Variants in GALNT18 observed in about 807,000 individuals in gnomAD.
GALNT18 encodes the protein GalNAc-transferase 18.
In GALNT18, 44 loss-of-function variants were observed where a neutral mutation model predicts 69.5. The ratio of observed to expected loss-of-function variants is 0.63; its 90% CI spans 0.50 to 0.81. The LOEUF (loss-of-function observed/expected upper bound fraction) is 0.81, where lower values mean the gene tolerates loss of function less well. GALNT18 is among the 40% of genes least tolerant of loss of function. The pLI, the probability that GALNT18 is intolerant of heterozygous loss-of-function variation, is 0.00. For synonymous variants in GALNT18, 364 were observed against 318.2 expected (o/e 1.14, Z -1.53); for missense variants, 715 against 810.0 (o/e 0.88, Z 1.42).
At chr11:11,322,172 T>C (rs1849851350) in intron 9 of GALNT18, among the ~76,000 whole-genome samples, 1 of 152,234 alleles carries the variant, frequency 6.6e-6, no homozygotes, top group Non-Finnish European at 1.5e-5. Context: ...GTATCTACCA[T>C]TGTTAGTCCA....
At chr11:11,484,035 C>T (rs1286164649) in intron 1 of GALNT18, among the ~76,000 whole-genome samples, 5 of 152,092 alleles carry the variant, frequency 3.3e-5, no homozygotes, top group Admixed American at 6.6e-5. Flanking sequence ...CTACTCTGTG[C>T]GGGGGACTTT....
At chr11:11,488,734 T>C (rs1018373676) in intron 1 of GALNT18, among the ~76,000 whole-genome samples, 10 of 152,060 alleles carry the variant, frequency 6.6e-5, no homozygotes, top group African/African-American at 2.2e-4. Flanking sequence ...AAGCTTCTTT[T>C]CTCCTGGGCC....
intron 10 of GALNT18, among the ~76,000 whole-genome samples, chr11:11,275,050 G>C (rs1378145482): frequency 1.3e-5 from 2 of 152,172 alleles, no homozygotes; most frequent in Middle Eastern, 3.2e-3. Flanking sequence ...GATACTTTGG[G>C]TACATACCCA....
At chr11:11,528,847 C>T (rs1467301858) in intron 1 of GALNT18, among the ~76,000 whole-genome samples, 1 of 152,168 alleles carries the variant, frequency 6.6e-6, no homozygotes, top group Non-Finnish European at 1.5e-5. Flanking sequence ...AAAGATAATG[C>T]CCAAGCCTTT....
Position 11,382,183 on chromosome 11 carries a change from T to C in GALNT18, c.596-2919A>G, listed in dbSNP as rs1235878937. Among the ~76,000 whole-genome samples, 1 of 152,206 alleles carries C rather than the reference T, an allele frequency of 6.6e-6. No individual in the cohort carries two copies. Among genetic ancestry groups the C allele is most frequent in the Non-Finnish European group, 1.5e-5 (1 of 68,040 alleles). ...TAGTTGCATCCCAAACATGTGCTGCTGATTAGAAGAGGGAATTCTCTTAGC... is the reference window on the plus strand; with the variant it reads ...TAGTTGCATCCCAAACATGTGCTGCCGATTAGAAGAGGGAATTCTCTTAGC... On this transcript the variant is annotated intron_variant, in intron 3 of 10. Transcript: ENST00000227756. The surrounding 1 kb of genome is among the most constrained non-coding windows in gnomAD (Gnocchi z 4.3).
rs1856877668 is a variant in GALNT18 at position 11,497,016 on chromosome 11, C to T, written c.236-48080G>A. On this transcript the variant is annotated intron_variant, in intron 1 of 10. Coordinates refer to ENST00000227756, the MANE Select transcript of GALNT18 (RefSeq NM_198516.3). This position sits in a 1 kb window ranked among gnomAD's most constrained non-coding sequence, Gnocchi z 4.2. ...GCCTCATCGGTCCTGCTCATCCCAT[C>T]CTTCTCTTGCTCACTCTGCTAGAGC... Among the ~76,000 whole-genome samples, 1 of 152,162 alleles carries T rather than the reference C, an allele frequency of 6.6e-6. No individual in the cohort carries two copies. Among genetic ancestry groups the T allele is most frequent in the Admixed American group, 6.5e-5 (1 of 15,268 alleles).
chr11:11,621,329 G>A lies in GALNT18; in HGVS notation c.235+30C>T. ...CGCGCGGGGCACTCCCGGGCCTCAT[G>A]GGCGACCCAAGTTTCCGGGGCGCCC... On this transcript the variant is annotated intron_variant, in intron 1 of 10. Transcript: ENST00000227756. This position sits in a 1 kb window ranked among gnomAD's most constrained non-coding sequence, Gnocchi z 9.3. The A allele has an allele frequency of 6.3e-7, 1 of 1,596,536 alleles. No homozygotes were observed. Among genetic ancestry groups the A allele is most frequent in the Non-Finnish European group, 8.6e-7 (1 of 1,165,700 alleles).
chr11:11,519,767 G>A (rs1857355163), intron 1 of GALNT18, among the ~76,000 whole-genome samples: 1 of 152,214 alleles, frequency 6.6e-6, no homozygotes, highest in Admixed American at 6.5e-5. Context: ...AGGAGGGACT[G>A]GAGCCCATCC....
intron 1 of GALNT18, among the ~76,000 whole-genome samples, chr11:11,472,416 G>C (rs1486570528): frequency 2.0e-5 from 3 of 152,216 alleles, no homozygotes; most frequent in Non-Finnish European, 2.9e-5. Flanking sequence ...GTAAATCAAA[G>C]TCAATTCAAG....
chr11:11,589,248 G>A (rs1224385406), intron 1 of GALNT18, among the ~76,000 whole-genome samples: 5 of 152,180 alleles, frequency 3.3e-5, no homozygotes, highest in African/African-American at 9.7e-5. Flanking sequence ...AGTGGGGGGA[G>A]AAGTGGCTAA....
rs533485218 is a variant in GALNT18 at position 11,318,173 on chromosome 11, G to A, written c.1512+8913C>T. Among the ~76,000 whole-genome samples, 1 of 152,288 alleles carries A rather than the reference G, an allele frequency of 6.6e-6. No homozygotes were observed. The highest frequency in any genetic ancestry group is 2.4e-5 in the African/African-American group (1 of 41,574). ...ACCCTTTTTGGCCTAGAAAGTGAGA[G>A]TCAGGTTTCCATTTCCACTCTTCCC... On this transcript the variant is annotated intron_variant, in intron 9 of 10. Transcript: ENST00000227756. The surrounding 1 kb of genome is among the most constrained non-coding windows in gnomAD (Gnocchi z 5.1).
At chr11:11,475,519 T>G (rs972893111) in intron 1 of GALNT18, 7 of 152,246 alleles carry the variant, frequency 4.6e-5, no homozygotes, top group African/African-American at 1.4e-4. Context: ...GTTTTGTTCC[T>G]TTTAATAATC....
chr11:11,291,150 T>C (rs1849289523), intron 10 of GALNT18, among the ~76,000 whole-genome samples: 1 of 152,140 alleles, frequency 6.6e-6, no homozygotes, highest in Admixed American at 6.5e-5. Flanking sequence ...GATGAAGGCT[T>C]CTGCTAGGCA....
In GALNT18 at chr11:11,542,165, A is replaced by C. The variant is rs996468571; in HGVS notation, c.235+79194T>G. Among the ~76,000 whole-genome samples the C allele has an allele frequency of 6.6e-6, 1 of 152,156 alleles. No individual in the cohort carries two copies. Among genetic ancestry groups the C allele is most frequent in the Non-Finnish European group, 1.5e-5 (1 of 68,024 alleles). ...CTCAATCACTTAAGCTTATTTACTG[A>C]CCATTAAAGACTTTGCCCAAAGGCT... On this transcript the variant is annotated intron_variant, in intron 1 of 10. Coordinates refer to ENST00000227756, the MANE Select transcript of GALNT18 (RefSeq NM_198516.3). This position sits in a 1 kb window ranked among gnomAD's most constrained non-coding sequence, Gnocchi z 4.3.
At position 11,379,263 on chromosome 11, in the gene GALNT18, C is replaced by T. The variant is rs764921689; in HGVS notation, c.597G>A (p.Glu199=). ...ATTCGGTCAGCTTCTCCTTCAGTTCCTCTGTCAGGGAGAAAATGCAGCCTT... is the reference window on the plus strand; with the variant it reads ...ATTCGGTCAGCTTCTCCTTCAGTTCTTCTGTCAGGGAGAAAATGCAGCCTT... ...IILVDDNSSN[E]ELKEKLTEYV... Residue 199 remains glutamate, a splice_region_variant and synonymous_variant, in exon 4 of 11, where the codon GAG becomes GAA. Coordinates refer to ENST00000227756, the MANE Select transcript of GALNT18 (RefSeq NM_198516.3). 1.9e-6 allele frequency: 3 copies of T among 1,611,372 alleles called. No individual in the cohort carries two copies. Among genetic ancestry groups the T allele is most frequent in the South Asian group, 2.2e-5 (2 of 90,500 alleles).
At chr11:11,419,596 CAAAAAAAAAAAAAA>C (rs58012512) in intron 3 of GALNT18, among the ~76,000 whole-genome samples, 2 of 26,618 alleles carry the variant, frequency 7.5e-5, no homozygotes, top group African/African-American at 2.0e-4. Flanking sequence ...GATCCTGTCT[CAAAAAAAAAAAAAA>C]AAAAAAAAAA....
chr11:11,495,859 G>T (rs180707290), intron 1 of GALNT18, among the ~76,000 whole-genome samples: 4 of 152,262 alleles, frequency 2.6e-5, no homozygotes, highest in African/African-American at 9.6e-5. Context: ...ACCATAAAAG[G>T]CTGTGACCAA....
At chr11:11,393,829 T>G (rs78004423) in intron 3 of GALNT18, among the ~76,000 whole-genome samples, 2,246 of 152,386 alleles carry the variant, frequency 0.015, 37 homozygotes, top group African/African-American at 0.051. Context: ...AGTCCTCTCA[T>G]GAGATTTACT....
chr11:11,614,716 T>A lies in GALNT18; in HGVS notation c.235+6643A>T, dbSNP rs1386240207. Among the ~76,000 whole-genome samples the A allele has an allele frequency of 6.6e-6, 1 of 152,220 alleles. No homozygotes were observed. Among genetic ancestry groups the A allele is most frequent in the African/African-American group, 2.4e-5 (1 of 41,454 alleles). On this transcript the variant is annotated intron_variant, in intron 1 of 10. Coordinates refer to ENST00000227756, the MANE Select transcript of GALNT18 (RefSeq NM_198516.3). The surrounding 1 kb of genome is among the most constrained non-coding windows in gnomAD (Gnocchi z 5.6). ...AAAACATAGGCCAGCCTAACCCAAG[T>A]GACTAAAGCTGAACTTCAAGGCCCT...
Sources: allele counts gnomAD v4.1 joint callset (sites outside exome capture counted in the v4.1 genomes callset), GRCh38; gene constraint gnomAD v4.1.1; non-coding constraint Gnocchi (gnomAD v3.1); transcripts MANE v1.5; gene names NCBI Gene and HGNC (gene_info 2026-07-23, HGNC 2026-07-21).